Variants in GALNT16 observed in about 807,000 individuals in gnomAD.
GALNT16 encodes the protein polypeptide N-acetylgalactosaminyltransferase 16, also known as UDP-GalNAc:polypeptide N-acetylgalactosaminyltransferase-like protein 1.
A neutral mutation model predicts 76.1 loss-of-function variants in GALNT16; 40 were observed. The ratio of observed to expected loss-of-function variants is 0.53; its 90% CI spans 0.41 to 0.68. The LOEUF (loss-of-function observed/expected upper bound fraction) is 0.68, where lower values mean the gene tolerates loss of function less well. Among genes scored for constraint, GALNT16 ranks in the 30% least tolerant of loss-of-function variants. The probability of loss-of-function intolerance (pLI) is 0.00; values close to 1 mark genes in which losing one functional copy is unlikely to be tolerated. For synonymous variants in GALNT16, 276 were observed against 285.2 expected (o/e 0.97, Z 0.32); for missense variants, 621 against 731.9 (o/e 0.85, Z 1.75).
At position 69,260,341 on chromosome 14, in the gene GALNT16, C is replaced by A. The variant is rs750602464; in HGVS notation, c.51C>A (p.Ile17=). The A allele has an allele frequency of 1.9e-6, 3 of 1,612,862 alleles. No individual in the cohort carries two copies. The East Asian group carries it at 6.7e-5, about 36-fold the overall frequency. ...NAIAILTVAW[I]LGTFYYLWQD... is the part of the protein sequence containing the mutation. ...TCGCCATCCTGACCGTAGCCTGGATCCTGGGCACTTTCTACTACTTATGGC... is the reference window on the plus strand; with the variant it reads ...TCGCCATCCTGACCGTAGCCTGGATACTGGGCACTTTCTACTACTTATGGC... Residue 17 remains isoleucine, a synonymous_variant, in exon 1 of 15, where the codon ATC becomes ATA. Coordinates refer to ENST00000448469, the MANE Select transcript of GALNT16 (RefSeq NM_001168368.2).
the GALNT16 span, among the ~76,000 whole-genome samples, chr14:69,375,023 G>A: frequency 6.6e-6 from 1 of 152,176 alleles, no homozygotes; most frequent in Non-Finnish European, 1.5e-5. Flanking sequence ...CAACACTGTT[G>A]AATTTGGGAT....
intron 1 of GALNT16, among the ~76,000 whole-genome samples, chr14:69,270,260 G>T (rs944461082): frequency 6.6e-6 from 1 of 152,074 alleles, no homozygotes; most frequent in Non-Finnish European, 1.5e-5. Context: ...GCTGTTTCTC[G>T]GGCAGGTGGT....
rs146619863 is a variant in GALNT16 at position 69,288,716 on chromosome 14, A to G, written c.177+28249A>G. On this transcript the variant is annotated intron_variant, in intron 1 of 14. Coordinates refer to ENST00000448469, the MANE Select transcript of GALNT16 (RefSeq NM_001168368.2). ...TCCAGTCGGTTTCAATCAACCCAGA[A>G]CTCTGTAGATTGGAAAATAGCTTCC... 3.6e-3 allele frequency among the ~76,000 whole-genome samples: 553 copies of G among 152,198 alleles called. 3 individuals carry two copies. The highest frequency in any genetic ancestry group is 0.013 in the African/African-American group (535 of 41,518).
At chr14:69,323,477 G>A (rs983309746) in intron 2 of GALNT16, among the ~76,000 whole-genome samples, 3 of 152,222 alleles carry the variant, frequency 2.0e-5, no homozygotes, top group African/African-American at 7.2e-5. Context: ...GGCACCGGAT[G>A]GTTGGGGGAT....
chr14:69,329,570 G>A (rs1594855853), intron 6 of GALNT16, among the ~76,000 whole-genome samples: 1 of 152,150 alleles, frequency 6.6e-6, no homozygotes, highest in African/African-American at 2.4e-5. Context: ...AGAAATAGGA[G>A]CTGTATCAGG....
intron 1 of GALNT16, among the ~76,000 whole-genome samples, chr14:69,269,080 A>G (rs2140101515): frequency 6.6e-6 from 1 of 152,212 alleles, no homozygotes; most frequent in Middle Eastern, 3.4e-3. Context: ...ATTTCAGAAC[A>G]TTTTCCAGCA....
intron 14 of GALNT16, chr14:69,348,683 C>G (rs1380125619): frequency 6.6e-6 from 1 of 152,544 alleles, no homozygotes; most frequent in East Asian, 1.9e-4. Flanking sequence ...ACTGTCACCA[C>G]TAATCCTGGG....
At chr14:69,298,197 T>C (rs149388672) in intron 1 of GALNT16, among the ~76,000 whole-genome samples, 91 of 152,254 alleles carry the variant, frequency 6.0e-4, no homozygotes, top group African/African-American at 2.0e-3. Flanking sequence ...AACAGCAACG[T>C]TGGGGCCTGC....
chr14:69,295,579 G>A (rs1412816670), intron 1 of GALNT16, among the ~76,000 whole-genome samples: 1 of 152,040 alleles, frequency 6.6e-6, no homozygotes, highest in African/African-American at 2.4e-5. Context: ...ACTTAGCCAG[G>A]CATGGTGGCA....
intron 2 of GALNT16, among the ~76,000 whole-genome samples, chr14:69,322,278 C>T (rs2045199683): frequency 6.6e-6 from 1 of 152,252 alleles, no homozygotes; most frequent in South Asian, 2.1e-4. Context: ...GGCAGCATCC[C>T]CTCCTGTCTG....
the GALNT16 span, among the ~76,000 whole-genome samples, chr14:69,376,905 C>T: frequency 6.6e-6 from 1 of 152,158 alleles, no homozygotes; most frequent in Non-Finnish European, 1.5e-5. Context: ...GAAGCTATTA[C>T]AAGAGTTAGT....
intron 1 of GALNT16, among the ~76,000 whole-genome samples, chr14:69,284,893 C>A (rs372250452): frequency 6.6e-6 from 1 of 152,088 alleles, no homozygotes; most frequent in Non-Finnish European, 1.5e-5. Flanking sequence ...CCCCTTTGCT[C>A]GGCCCTTCTC....
At chr14:69,271,600 C>T (rs543441814) in intron 1 of GALNT16, among the ~76,000 whole-genome samples, 2 of 152,252 alleles carry the variant, frequency 1.3e-5, no homozygotes, top group East Asian at 1.9e-4. Flanking sequence ...AGGTGGCCAC[C>T]GAGTGCTTGG....
intron 1 of GALNT16, among the ~76,000 whole-genome samples, chr14:69,293,196 C>T (rs2044710414): frequency 6.6e-6 from 1 of 152,198 alleles, no homozygotes; most frequent in African/African-American, 2.4e-5. Flanking sequence ...CCTGTTCTGT[C>T]CTGCCCCAAA....
At chr14:69,361,684 T>C (rs760282919), downstream of GALNT16, among the ~76,000 whole-genome samples, 30 of 152,054 alleles carry the variant, frequency 2.0e-4, no homozygotes, top group Non-Finnish European at 1.9e-4. Flanking sequence ...TTTGCAGATG[T>C]AGAAACAGGA....
rs1199048467 is a variant in GALNT16, at chr14:69,353,509, A to G, written c.*1341A>G. 6.6e-6 allele frequency: 1 copy of G among 152,064 alleles called. No individual in the cohort carries two copies. Among genetic ancestry groups the G allele is most frequent in the Non-Finnish European group, 1.5e-5 (1 of 68,126 alleles). 9.4% of individuals were successfully genotyped at this position (152,064 alleles called of 1,614,324 possible). A position where few individuals can be genotyped will look rare whatever the true frequency, so the allele number is the denominator to read the frequency against. On this transcript the variant is annotated 3_prime_UTR_variant, in exon 15 of 15. Transcript: ENST00000448469. Reference sequence around the variant, plus strand: ...TCCCCACACCCTGCTTCCTCACCCCACTGGCTCTTGGGCAAATGACTGTTG... The same window carrying G: ...TCCCCACACCCTGCTTCCTCACCCCGCTGGCTCTTGGGCAAATGACTGTTG...
chr14:69,310,321 C>T (rs59831177), intron 1 of GALNT16, among the ~76,000 whole-genome samples: 5,431 of 151,828 alleles, frequency 0.036, 177 homozygotes, highest in South Asian at 0.13. Context: ...ATTGTTCTCT[C>T]ATGTTTAAAC....
the GALNT16 span, among the ~76,000 whole-genome samples, chr14:69,363,677 T>TAATGAATGAATG: frequency 8.7e-3 from 1,327 of 151,974 alleles, 19 homozygotes; most frequent in African/African-American, 0.029. Flanking sequence ...AAGTGTGTGC[T>TAATGAATGAATG]AATGAATGAA....
At chr14:69,270,507 T>A (rs1019076800) in intron 1 of GALNT16, among the ~76,000 whole-genome samples, 3 of 152,216 alleles carry the variant, frequency 2.0e-5, no homozygotes, top group Non-Finnish European at 4.4e-5. Flanking sequence ...CATCCCTTCA[T>A]CTTCTCACAG....
Sources: gnomAD v4.1 joint callset for allele counts (sites outside exome capture counted in the v4.1 genomes callset) on GRCh38, gnomAD v4.1.1 for gene constraint, MANE v1.5 for transcripts, NCBI Gene and HGNC (gene_info 2026-07-23, HGNC 2026-07-21) for gene names.